FAM174B: variants seen among roughly 807,000 people sequenced by gnomAD.
FAM174B encodes membrane protein FAM174B.
Under a neutral mutation model 10.9 loss-of-function variants are expected in FAM174B, and 12 were observed. The observed-to-expected ratio is 1.10, with a 90% CI of 0.71 to 1.79. FAM174B has a LOEUF of 1.79. FAM174B is among the 40% of genes most tolerant of loss of function. FAM174B has a pLI of 0.00. For synonymous variants in FAM174B, 132 were observed against 115.8 expected (o/e 1.14, Z -0.90); for missense variants, 266 against 233.3 (o/e 1.14, Z -0.91).
chr15:92,617,718 A>C lies in FAM174B; in HGVS notation c.*1738T>G, dbSNP rs1462492804. On this transcript the variant is annotated 3_prime_UTR_variant, in exon 3 of 3. Coordinates refer to ENST00000327355, the MANE Select transcript of FAM174B (RefSeq NM_207446.3). Reference sequence around the variant, plus strand: ...GGTGGCCAGGCTCCCGTGAGTCACCACTCAGGCCTGAGTACACCGTGGAGA... The same window carrying C: ...GGTGGCCAGGCTCCCGTGAGTCACCCCTCAGGCCTGAGTACACCGTGGAGA... 1.0e-5 allele frequency: 7 copies of C among 680,736 alleles called. No homozygotes were observed. In the East Asian group the frequency reaches 1.7e-4, roughly 17 times the overall value. The allele number at this position is 680,736 out of a possible 1,614,324, so 42.2% of individuals were successfully genotyped here.
chr15:92,641,438 AAATT>A (rs1371560449), intron 1 of FAM174B, among the ~76,000 whole-genome samples: 1 of 152,256 alleles, frequency 6.6e-6, no homozygotes, highest in African/African-American at 2.4e-5. Flanking sequence ...CTGATTAAAT[AAATT>A]ATGTTACATC....
At chr15:92,626,522 A>C (rs1367660084) in intron 2 of FAM174B, among the ~76,000 whole-genome samples, 4 of 152,158 alleles carry the variant, frequency 2.6e-5, no homozygotes, top group Admixed American at 6.5e-5. Flanking sequence ...GCTTGCAGAG[A>C]AATCTGTTTT....
rs2050798502 is a variant in FAM174B at position 92,631,174 on chromosome 15, A to ACATAT, written c.345-830_345-829insATATG. 6.6e-5 allele frequency among the ~76,000 whole-genome samples: 2 copies of ACATAT among 30,140 alleles called. 1 individual carries two copies. Among genetic ancestry groups the ACATAT allele is most frequent in the Non-Finnish European group, 1.6e-4 (2 of 12,758 alleles). 19.8% of individuals were successfully genotyped at this position (30,140 alleles called of 152,430 possible). A position where few individuals can be genotyped will look rare whatever the true frequency, so the allele number is the denominator to read the frequency against. Reference sequence around the variant, plus strand: ...TATATTATATATTATATAATAATTTATATATTATATTATATATTATATATA... The same window carrying ACATAT: ...TATATTATATATTATATAATAATTTACATATTATATTATATTATATATTATATATA... On this transcript the variant is annotated intron_variant, in intron 1 of 2. Coordinates refer to ENST00000327355, the MANE Select transcript of FAM174B (RefSeq NM_207446.3).
intron 1 of FAM174B, among the ~76,000 whole-genome samples, chr15:92,642,016 A>G (rs1410235020): frequency 1.3e-5 from 2 of 152,244 alleles, no homozygotes; most frequent in African/African-American, 4.8e-5. Context: ...ACCTGAATAG[A>G]CAGTTCTCAA....
In FAM174B at chr15:92,619,294, G is replaced by T; in HGVS notation, c.*162C>A. The T allele has an allele frequency of 1.3e-6, 1 of 787,836 alleles. No homozygotes were observed. Among genetic ancestry groups the T allele is most frequent in the Non-Finnish European group, 2.2e-6 (1 of 453,044 alleles). 48.8% of individuals were successfully genotyped at this position (787,836 alleles called of 1,614,324 possible). On this transcript the variant is annotated 3_prime_UTR_variant, in exon 3 of 3. Transcript: ENST00000327355. ...GAAACGAGCTTGCCAGTGACAGTCT[G>T]AGCAGATGCCTGACACGCACGATGG...
chr15:92,621,393 C>T lies in FAM174B; in HGVS notation c.477-1934G>A, dbSNP rs541043984. Among the ~76,000 whole-genome samples the T allele has an allele frequency of 4.5e-4, 69 of 152,246 alleles. No individual in the cohort carries two copies. The South Asian group carries it at 0.014, about 30-fold the overall frequency. On this transcript the variant is annotated intron_variant, in intron 2 of 2. Coordinates refer to ENST00000327355, the MANE Select transcript of FAM174B (RefSeq NM_207446.3). ...TTGGGAGGTCAAGGCAGGAGAATCG[C>T]TTGAACCCAGTAGTTAGAGACCAGC...
At chr15:92,646,521 T>C (rs1321698551) in intron 1 of FAM174B, among the ~76,000 whole-genome samples, 1 of 152,178 alleles carries the variant, frequency 6.6e-6, no homozygotes, top group Non-Finnish European at 1.5e-5. Context: ...TGACAGCAAT[T>C]TGGAATCTCA....
chr15:92,646,046 G>A (rs1042321549), intron 1 of FAM174B, among the ~76,000 whole-genome samples: 3 of 150,090 alleles, frequency 2.0e-5, no homozygotes, highest in African/African-American at 7.4e-5. Flanking sequence ...ATGCCCTTCA[G>A]GACAGCCTGA....
intron 1 of FAM174B, among the ~76,000 whole-genome samples, chr15:92,646,730 A>T (rs781147347): frequency 6.6e-6 from 1 of 152,180 alleles, no homozygotes; most frequent in Non-Finnish European, 1.5e-5. Flanking sequence ...TGGTCTCCAC[A>T]CCCACTTATC....
chr15:92,655,180 C>G, intron 1 of FAM174B, 136 bp downstream of exon 1: 2 of 1,270,618 alleles, frequency 1.6e-6, no homozygotes, highest in Non-Finnish European at 2.0e-6. Flanking sequence ...CTCTCCCGGG[C>G]AGGGCAGGAG....
chr15:92,640,285 C>T lies in FAM174B; in HGVS notation c.345-9940G>A, dbSNP rs144533580. Among the ~76,000 whole-genome samples, 1,080 of 152,192 alleles carry T rather than the reference C, an allele frequency of 7.1e-3. 14 individuals carry two copies. Among genetic ancestry groups the T allele is most frequent in the African/African-American group, 0.024 (1,017 of 41,514 alleles). The stretch of plus-strand genomic sequence containing the variant: ...AAGGTAAATAGGCGGGGAGCAGTGG[C>T]TCACACTTGTAATCCCAGCACTTTG... On this transcript the variant is annotated intron_variant, in intron 1 of 2. Coordinates refer to ENST00000327355, the MANE Select transcript of FAM174B (RefSeq NM_207446.3).
intron 1 of FAM174B, among the ~76,000 whole-genome samples, chr15:92,646,460 A>T (rs1489516447): frequency 6.6e-6 from 1 of 152,152 alleles, no homozygotes; most frequent in Non-Finnish European, 1.5e-5. Flanking sequence ...CAAAATTGAA[A>T]TTCTAAGCCC....
intron 1 of FAM174B, among the ~76,000 whole-genome samples, chr15:92,632,260 C>G (rs1445051421): frequency 6.6e-6 from 1 of 152,156 alleles, no homozygotes; most frequent in Non-Finnish European, 1.5e-5. Flanking sequence ...AAGACAGGCT[C>G]TCGGCCGGGT....
chr15:92,642,798 A>G (rs75935437), intron 1 of FAM174B, among the ~76,000 whole-genome samples: 2,131 of 152,314 alleles, frequency 0.014, 47 homozygotes, highest in African/African-American at 0.046. Flanking sequence ...ATATCTATCT[A>G]TTGATGAATG....
intron 1 of FAM174B, among the ~76,000 whole-genome samples, chr15:92,645,805 C>T (rs1054036847): frequency 6.6e-6 from 1 of 152,088 alleles, no homozygotes; most frequent in South Asian, 2.1e-4. Flanking sequence ...TCGTAAGGGG[C>T]CCTTTCAGTA....
At position 92,619,687 on chromosome 15, in the gene FAM174B, C is replaced by CA; in HGVS notation, c.477-229dup. On this transcript the variant is annotated intron_variant, in intron 2 of 2. Transcript: ENST00000327355. ...AGGATCCCTCCCCCAGCTCCCCACA[C>CA]AGACTCCCTAGAACACAACCTCTTT... The CA allele has an allele frequency of 8.4e-6, 5 of 598,158 alleles. No individual in the cohort carries two copies. In the South Asian group the frequency reaches 1.0e-4, roughly 12 times the overall value. The allele number at this position is 598,158 out of a possible 1,614,324, so 37.1% of individuals were successfully genotyped here. A position where few individuals can be genotyped will look rare whatever the true frequency, so the allele number is the denominator to read the frequency against.
At chr15:92,650,018 C>T (rs1338348878) in intron 1 of FAM174B, among the ~76,000 whole-genome samples, 1 of 152,116 alleles carries the variant, frequency 6.6e-6, no homozygotes, top group Admixed American at 6.5e-5. Flanking sequence ...TGGGGCTGGA[C>T]CTTCTAACCA....
rs571807318 is a variant in FAM174B at position 92,655,500 on chromosome 15, T to C, written c.160A>G (p.Thr54Ala). The C allele has an allele frequency of 6.6e-6, 10 of 1,516,864 alleles. No homozygotes were observed. The African/African-American group carries it at 1.2e-4, about 17-fold the overall frequency. The allele number at this position is 1,516,864 out of a possible 1,614,324, so 94.0% of individuals were successfully genotyped here. ...RPPPGPGPGNTTRFGSGAAGG... is the reference protein window; with the variant it reads ...RPPPGPGPGNATRFGSGAAGG... ...GCCGCCCCAGACCCAAACCGGGTGG[T>C]GTTCCCGGGCCCCGGGCCGGGCGGT... The change falls in exon 1 of 3, where the codon ACC (threonine) becomes GCC (alanine). Residue 54 changes from threonine (T) to alanine (A), a missense_variant. By Grantham distance (58) the Thr-to-Ala change is moderately conservative. Transcript: ENST00000327355.
intron 1 of FAM174B, among the ~76,000 whole-genome samples, chr15:92,639,643 A>G (rs2050877480): frequency 6.6e-6 from 1 of 152,170 alleles, no homozygotes; most frequent in South Asian, 2.1e-4. Context: ...TGACTGGATC[A>G]TGGGGGTGGG....
Sources: allele counts gnomAD v4.1 joint callset (sites outside exome capture counted in the v4.1 genomes callset), GRCh38; gene constraint gnomAD v4.1.1; transcripts MANE v1.5; gene names NCBI Gene and HGNC (gene_info 2026-07-23, HGNC 2026-07-21).